The following NEO1 variants were observed in gnomAD, a reference collection of about 807,000 sequenced individuals.
The protein encoded by NEO1 is neogenin.
NEO1 carries 63 observed loss-of-function variants against 159.7 expected under a neutral mutation model. The ratio of observed to expected loss-of-function variants is 0.39; its 90% CI spans 0.32 to 0.49. The LOEUF is 0.49. Ranked by LOEUF, NEO1 falls within the 20% of genes least tolerant of loss-of-function variation. The probability of loss-of-function intolerance (pLI) is 0.85; values close to 1 mark genes in which losing one functional copy is unlikely to be tolerated. For synonymous variants in NEO1, 633 were observed against 662.0 expected, an observed-to-expected ratio of 0.96 and a Z score of 0.67; for missense variants, 1,615 against 1,831.0, an observed-to-expected ratio of 0.88 and a Z score of 2.15.
intron 7 of NEO1, among the ~76,000 whole-genome samples, chr15:73,220,636 C>A (rs1416989386): frequency 2.0e-5 from 3 of 152,038 alleles, no homozygotes; most frequent in South Asian, 2.1e-4. Context: ...TCTTTTTATT[C>A]TTTTTTCTCT....
At chr15:73,219,007 G>A (rs1248886137) in intron 7 of NEO1, among the ~76,000 whole-genome samples, 1 of 151,334 alleles carries the variant, frequency 6.6e-6, no homozygotes, top group African/African-American at 2.4e-5. Flanking sequence ...TCTTTTAATT[G>A]TGATGTTAGG....
chr15:73,178,207 TTTAC>T, intron 6 of NEO1, 96 bp from the exon 7 acceptor site: 1 of 1,103,950 alleles, frequency 9.1e-7, no homozygotes, highest in Non-Finnish European at 1.3e-6. Flanking sequence ...TCATAAAAAC[TTTAC>T]TTGTTTTTTT....
At chr15:73,290,689 A>G (rs1350260112) in intron 25 of NEO1, among the ~76,000 whole-genome samples, 4 of 152,200 alleles carry the variant, frequency 2.6e-5, no homozygotes, top group Admixed American at 1.3e-4. Context: ...CTTTCAAACT[A>G]CTATGTCCTC....
intron 7 of NEO1, among the ~76,000 whole-genome samples, chr15:73,236,134 T>C (rs974647032): frequency 9.9e-5 from 15 of 152,226 alleles, no homozygotes; most frequent in Non-Finnish European, 1.5e-5. Flanking sequence ...CATGTTAGCC[T>C]TCAGTTTAAT....
chr15:73,116,115 T>A (rs1245199407), intron 1 of NEO1, among the ~76,000 whole-genome samples: 1 of 152,154 alleles, frequency 6.6e-6, no homozygotes, highest in Non-Finnish European at 1.5e-5. Flanking sequence ...TATAGTAAAT[T>A]TATGAAAAAA....
chr15:73,112,978 A>G (rs570853629), intron 1 of NEO1, among the ~76,000 whole-genome samples: 3 of 152,192 alleles, frequency 2.0e-5, no homozygotes, highest in Admixed American at 6.5e-5. Context: ...CTTTTCCTCA[A>G]TCGATTTAAA....
chr15:73,178,515 C>A, intron 7 of NEO1, 88 bp downstream of exon 7: 1 of 1,461,838 alleles, frequency 6.8e-7, no homozygotes, highest in South Asian at 1.4e-5. Context: ...GATTGATAAC[C>A]CATTAGTAAA....
chr15:73,286,806 C>G (rs1288254538), intron 23 of NEO1, among the ~76,000 whole-genome samples: 1 of 152,156 alleles, frequency 6.6e-6, no homozygotes, highest in Non-Finnish European at 1.5e-5. Context: ...CATTTATTTA[C>G]CAAGACCTGT....
intron 7 of NEO1, among the ~76,000 whole-genome samples, chr15:73,234,387 A>G (rs1174361154): frequency 6.6e-6 from 1 of 152,198 alleles, no homozygotes; most frequent in Non-Finnish European, 1.5e-5. Context: ...CTCAGGCTCC[A>G]CAGTCTCCTA....
intron 4 of NEO1, 182 bp downstream of exon 4, chr15:73,126,752 A>G: frequency 2.0e-6 from 1 of 512,788 alleles, no homozygotes; most frequent in Non-Finnish European, 3.2e-6. Context: ...AAAGAAAAAG[A>G]TACTTTCAAA....
At position 73,090,832 on chromosome 15, in the gene NEO1, C is replaced by T. The variant is rs576642691; in HGVS notation, c.131-25708C>T. Among the ~76,000 whole-genome samples, 7 of 152,200 alleles carry T rather than the reference C, an allele frequency of 4.6e-5. No individual in the cohort carries two copies. The South Asian group carries it at 1.5e-3, about 32-fold the overall frequency. On this transcript the variant is annotated intron_variant, in intron 1 of 28. Transcript: ENST00000261908. ...TATAGTTTCATATTATTTTAAATTA[C>T]ACCCTATAGCATATTTTTTGTTACA...
intron 7 of NEO1, among the ~76,000 whole-genome samples, chr15:73,200,573 T>A: frequency 7.2e-6 from 1 of 139,538 alleles, no homozygotes; most frequent in Non-Finnish European, 1.5e-5. Flanking sequence ...GGAAAGGGAG[T>A]CTCTAGAGAG....
intron 22 of NEO1, among the ~76,000 whole-genome samples, chr15:73,281,815 C>T (rs1376856851): frequency 6.6e-6 from 1 of 152,034 alleles, no homozygotes; most frequent in African/African-American, 2.4e-5. Context: ...ATAATATGAG[C>T]ATACATAAAT....
chr15:73,183,887 G>A (rs1223379000), intron 7 of NEO1, among the ~76,000 whole-genome samples: 2 of 152,134 alleles, frequency 1.3e-5, no homozygotes, highest in African/African-American at 2.4e-5. Context: ...CTCAATTCCT[G>A]ACTAGATTAA....
intron 7 of NEO1, among the ~76,000 whole-genome samples, chr15:73,183,621 C>G (rs2035745628): frequency 6.6e-6 from 1 of 152,154 alleles, no homozygotes; most frequent in Non-Finnish European, 1.5e-5. Flanking sequence ...CTACCTAAGA[C>G]TGAGGCTGGA....
At chr15:73,273,037 T>G (rs1228585858) in intron 19 of NEO1, among the ~76,000 whole-genome samples, 1 of 150,544 alleles carries the variant, frequency 6.6e-6, no homozygotes, top group Non-Finnish European at 1.5e-5. Context: ...ACCTGCTACT[T>G]CAAGTACCTG....
At chr15:73,061,650 T>G (rs2067983905) in intron 1 of NEO1, among the ~76,000 whole-genome samples, 1 of 152,232 alleles carries the variant, frequency 6.6e-6, no homozygotes, top group African/African-American at 2.4e-5. Flanking sequence ...TTGTTAAAAA[T>G]GTAACAGTTC....
At chr15:73,245,935 A>G (rs2039771222) in intron 9 of NEO1, among the ~76,000 whole-genome samples, 2 of 152,106 alleles carry the variant, frequency 1.3e-5, no homozygotes. Context: ...GTTTTTCTGT[A>G]TTAAAAACCT....
intron 1 of NEO1, among the ~76,000 whole-genome samples, 155 bp from the exon 2 acceptor site, chr15:73,116,385 C>T (rs996396277): frequency 1.3e-5 from 2 of 151,120 alleles, no homozygotes; most frequent in African/African-American, 4.8e-5. Context: ...GAAAGTAAAT[C>T]TTATTTATTA....
Sources: allele counts gnomAD v4.1 joint callset (sites outside exome capture counted in the v4.1 genomes callset), GRCh38; gene constraint gnomAD v4.1.1; transcripts MANE v1.5; gene names NCBI Gene and HGNC (gene_info 2026-07-23, HGNC 2026-07-21).